TMEM156: variants seen among roughly 807,000 people sequenced by gnomAD.
TMEM156 encodes transmembrane protein 156.
A neutral mutation model predicts 30.5 loss-of-function variants in TMEM156; 28 were observed. The observed-to-expected ratio is 0.92, with a 90% CI of 0.68 to 1.26. TMEM156 has a LOEUF of 1.26. Among genes scored for constraint, TMEM156 ranks in the 50% most tolerant of loss-of-function variants. The probability of loss-of-function intolerance (pLI) is 0.00; values close to 1 mark genes in which losing one functional copy is unlikely to be tolerated. For missense variants in TMEM156, 351 were observed against 340.6 expected (o/e 1.03, Z -0.24); for synonymous variants, 137 against 119.9 (o/e 1.14, Z -0.93).
chr4:39,024,737 T>C (rs1715090182), intron 1 of TMEM156, among the ~76,000 whole-genome samples: 1 of 152,228 alleles, frequency 6.6e-6, no homozygotes. Flanking sequence ...AATACCTAGA[T>C]GATGAAATCA....
intron 1 of TMEM156, among the ~76,000 whole-genome samples, chr4:39,012,180 T>C (rs1714172982): frequency 6.6e-6 from 1 of 152,190 alleles, no homozygotes; most frequent in Admixed American, 6.5e-5. Context: ...TTAAAAATGA[T>C]ATAGTACTTA....
chr4:39,024,066 C>T (rs1050141996), intron 1 of TMEM156, among the ~76,000 whole-genome samples: 1 of 152,054 alleles, frequency 6.6e-6, no homozygotes, highest in Non-Finnish European at 1.5e-5. Flanking sequence ...GATGGAGTCT[C>T]GCTGTTCCGC....
chr4:39,006,826 C>T (rs1713771416), intron 1 of TMEM156, among the ~76,000 whole-genome samples: 1 of 151,744 alleles, frequency 6.6e-6, no homozygotes, highest in African/African-American at 2.4e-5. Context: ...GTCTGTGGTC[C>T]CAGCTACTAC....
At chr4:39,013,689 C>T (rs746178734) in intron 1 of TMEM156, among the ~76,000 whole-genome samples, 3 of 152,026 alleles carry the variant, frequency 2.0e-5, no homozygotes, top group Non-Finnish European at 2.9e-5. Flanking sequence ...CATGAGCCAT[C>T]GCGCCCGGCC....
intron 5 of TMEM156, among the ~76,000 whole-genome samples, chr4:38,974,477 T>C (rs1343301752): frequency 6.6e-6 from 1 of 152,150 alleles, no homozygotes. Flanking sequence ...TTTAAATACA[T>C]TGGAAATACC....
intron 1 of TMEM156, among the ~76,000 whole-genome samples, chr4:39,013,526 G>A (rs1487087743): frequency 6.6e-6 from 1 of 151,640 alleles, no homozygotes; most frequent in Admixed American, 6.6e-5. Context: ...TCAGCCTCCC[G>A]AGTAGCTGGG....
At chr4:39,014,337 A>G (rs1714336827) in intron 1 of TMEM156, among the ~76,000 whole-genome samples, 1 of 152,226 alleles carries the variant, frequency 6.6e-6, no homozygotes, top group African/African-American at 2.4e-5. Flanking sequence ...ATAATTTTGA[A>G]TGTAAAGGTT....
At position 38,993,146 on chromosome 4, in the gene TMEM156, A is replaced by G. The variant is rs138819144; in HGVS notation, c.619+592T>C. ...ACTCACAGAAAATAGGCATGTTTCA[A>G]AGTTATTCTGTGGTGGCTCATACCT... On this transcript the variant is annotated intron_variant, in intron 3 of 6. Coordinates refer to ENST00000381938, the MANE Select transcript of TMEM156 (RefSeq NM_024943.3). Among the ~76,000 whole-genome samples the G allele has an allele frequency of 4.3e-3, 659 of 151,906 alleles. 7 individuals are homozygous for G. The highest frequency in any genetic ancestry group is 0.015 in the African/African-American group (636 of 41,474).
intron 1 of TMEM156, among the ~76,000 whole-genome samples, chr4:39,019,534 T>C (rs1216775887): frequency 6.6e-6 from 1 of 151,098 alleles, no homozygotes; most frequent in Non-Finnish European, 1.5e-5. Flanking sequence ...GCTGGGGGAA[T>C]AAACGACTCT....
rs377178394 is a variant in TMEM156, at chr4:39,019,032, AC to A, written c.88+13193del. 2.5e-3 allele frequency among the ~76,000 whole-genome samples: 65 copies of A among 25,804 alleles called. 1 individual carries two copies. The highest frequency in any genetic ancestry group is 0.014 in the African/African-American group (54 of 3,962). 16.9% of individuals were successfully genotyped at this position (25,804 alleles called of 152,430 possible). A position where few individuals can be genotyped will look rare whatever the true frequency, so the allele number is the denominator to read the frequency against. On this transcript the variant is annotated intron_variant, in intron 1 of 6. Transcript: ENST00000381938. ...CGAGACTCCATCTTAAAAAAACAAA[AC>A]AAAAAAAAAAAAAAAACCTCTTCAG...
At chr4:38,998,988 C>T in intron 1 of TMEM156, 79 bp from the exon 2 acceptor site, 1 of 1,312,358 alleles carries the variant, frequency 7.6e-7, no homozygotes, top group Non-Finnish European at 1.0e-6. Context: ...ACAGTATGCT[C>T]CCAGTTTTTC....
At chr4:38,977,308 C>T (rs577171289) in intron 5 of TMEM156, among the ~76,000 whole-genome samples, 38 of 152,178 alleles carry the variant, frequency 2.5e-4, no homozygotes, top group African/African-American at 6.0e-4. Context: ...AAAGCCAAAC[C>T]GCTGGTTTGG....
At chr4:38,970,979 G>T in intron 6 of TMEM156, 53 bp downstream of exon 6, 1 of 1,232,292 alleles carries the variant, frequency 8.1e-7, no homozygotes, top group Non-Finnish European at 1.2e-6. Flanking sequence ...GTGCATCCTT[G>T]AATTTATCTG....
chr4:39,010,776 A>G (rs1417617954), intron 1 of TMEM156, among the ~76,000 whole-genome samples: 1 of 152,242 alleles, frequency 6.6e-6, no homozygotes, highest in Non-Finnish European at 1.5e-5. Context: ...GGTAGATTAA[A>G]GATCTAAATG....
In TMEM156 at chr4:38,998,768, G is replaced by T. The variant is rs747086721; in HGVS notation, c.230C>A (p.Pro77His). The change falls in exon 2 of 7, where the codon CCC becomes CAC. Residue 77 changes from proline (P) to histidine (H), a missense_variant. Physicochemically the swap from Pro to His is moderately conservative, Grantham distance 77. Coordinates refer to ENST00000381938, the MANE Select transcript of TMEM156 (RefSeq NM_024943.3). Reference sequence around the variant, plus strand: ...CCTGGTGAAGTTACGAAAATTGGAGGGATTTAGAAAGATTCTCATGATAAT... The same window carrying T: ...CCTGGTGAAGTTACGAAAATTGGAGTGATTTAGAAAGATTCTCATGATAAT... ...TQIIMRIFLNPSNFRNFTRTC... is the reference protein window; with the variant it reads ...TQIIMRIFLNHSNFRNFTRTC... The T allele has an allele frequency of 1.9e-6, 3 of 1,613,830 alleles. No homozygotes were observed. In the East Asian group the frequency reaches 6.7e-5, roughly 36 times the overall value.
chr4:39,019,050 C>A lies in TMEM156; in HGVS notation c.88+13176G>T, dbSNP rs909796374. Among the ~76,000 whole-genome samples, 48 of 144,716 alleles carry A rather than the reference C, an allele frequency of 3.3e-4. 1 individual carries two copies. The highest frequency in any genetic ancestry group is 1.2e-3 in the African/African-American group (46 of 36,822). The allele number at this position is 144,716 out of a possible 152,430, so 94.9% of individuals were successfully genotyped here. A position where few individuals can be genotyped will look rare whatever the true frequency, so the allele number is the denominator to read the frequency against. ...AAACAAAACAAAAAAAAAAAAAAAA[C>A]CTCTTCAGTTTTCATGCTCTGCAGA... On this transcript the variant is annotated intron_variant, in intron 1 of 6. Coordinates refer to ENST00000381938, the MANE Select transcript of TMEM156 (RefSeq NM_024943.3).
At position 38,998,925 on chromosome 4, in the gene TMEM156, A is replaced by G. The variant is rs747973773; in HGVS notation, c.89-16T>C. ...AATGTTCTTTCTGTAAAGAAAAAAG[A>G]AAAACACTTTCTTTACTGTAAAGCT... On this transcript the variant is annotated splice_polypyrimidine_tract_variant and intron_variant, in intron 1 of 6. Transcript: ENST00000381938. The G allele has an allele frequency of 8.8e-6, 14 of 1,589,104 alleles. No homozygotes were observed. Among genetic ancestry groups the G allele is most frequent in the Non-Finnish European group, 1.2e-5 (14 of 1,171,354 alleles).
At chr4:38,978,065 T>G (rs1294030742) in intron 5 of TMEM156, among the ~76,000 whole-genome samples, 1 of 152,240 alleles carries the variant, frequency 6.6e-6, no homozygotes, top group Admixed American at 6.5e-5. Context: ...TTTTCGTTAC[T>G]TTGGTCCTGA....
At chr4:38,974,809 T>A (rs1722770571) in intron 5 of TMEM156, among the ~76,000 whole-genome samples, 2 of 151,990 alleles carry the variant, frequency 1.3e-5, no homozygotes, top group African/African-American at 4.8e-5. Flanking sequence ...TAGCTGGGAT[T>A]ACAGGCACAC....
Sources: allele counts gnomAD v4.1 joint callset (sites outside exome capture counted in the v4.1 genomes callset), GRCh38; gene constraint gnomAD v4.1.1; transcripts MANE v1.5; gene names NCBI Gene and HGNC (gene_info 2026-07-23, HGNC 2026-07-21).